NDUFAF6: variants seen among roughly 807,000 people sequenced by gnomAD.
NDUFAF6 encodes NADH dehydrogenase (ubiquinone) complex I, assembly factor 6.
Under a neutral mutation model 40.8 loss-of-function variants are expected in NDUFAF6, and 45 were observed. That is an observed-to-expected ratio of 1.10 (90% CI 0.87 to 1.42). NDUFAF6 has a LOEUF of 1.42. Ranked by LOEUF, NDUFAF6 falls within the 40% of genes most tolerant of loss-of-function variation. NDUFAF6 has a pLI of 0.00. For synonymous variants in NDUFAF6, 185 were observed against 155.9 expected (o/e 1.19, Z -1.39); for missense variants, 435 against 418.5 (o/e 1.04, Z -0.34).
chr8:95,006,219 G>A (rs542966536), intron 2 of NDUFAF6, among the ~76,000 whole-genome samples: 60 of 151,944 alleles, frequency 3.9e-4, no homozygotes, highest in Non-Finnish European at 7.4e-5. Flanking sequence ...TTAGCTGGGC[G>A]TGATGCTGGA....
At chr8:94,933,383 A>T (rs956446618) in intron 1 of NDUFAF6, among the ~76,000 whole-genome samples, 12 of 150,094 alleles carry the variant, frequency 8.0e-5, no homozygotes, top group Non-Finnish European at 2.9e-5. Context: ...AACCTTGAAA[A>T]AGAAGGAAGG....
chr8:94,927,483 GA>G (rs1819995777), intron 1 of NDUFAF6: 1 of 152,104 alleles, frequency 6.6e-6, no homozygotes, highest in Admixed American at 6.5e-5. Context: ...AAATGTATAG[GA>G]AATTAATATT....
chr8:94,915,772 T>G (rs1819089150), intron 1 of NDUFAF6, among the ~76,000 whole-genome samples: 1 of 152,192 alleles, frequency 6.6e-6, no homozygotes, highest in African/African-American at 2.4e-5. Context: ...CCAGAACAGG[T>G]ACACAGATCA....
At chr8:94,906,438 C>T (rs779223409) in intron 1 of NDUFAF6, among the ~76,000 whole-genome samples, 52 of 152,218 alleles carry the variant, frequency 3.4e-4, no homozygotes, top group Admixed American at 6.5e-4. Context: ...ACCTAACCCA[C>T]CACTCACCAG....
chr8:94,907,813 C>CTTT (rs10684819), intron 1 of NDUFAF6, among the ~76,000 whole-genome samples: 94,151 of 151,652 alleles, frequency 0.62, 29,914 homozygotes, highest in East Asian at 0.79. Context: ...TTCAACCTTT[C>CTTT]TTTTAGTCCT....
intron 1 of NDUFAF6, among the ~76,000 whole-genome samples, chr8:94,921,298 G>C (rs1010407747): frequency 3.9e-5 from 6 of 152,188 alleles, no homozygotes; most frequent in African/African-American, 1.4e-4. Flanking sequence ...GTTAAGTGGG[G>C]ATGAGTCTCA....
chr8:95,048,309 A>G, intron 6 of NDUFAF6, 148 bp from the exon 7 acceptor site: 2 of 675,076 alleles, frequency 3.0e-6, no homozygotes, highest in East Asian at 2.8e-5. Flanking sequence ...TCTAAAGACA[A>G]AATAGGCATT....
chr8:94,996,479 TTTATC>T (rs1489525555), intron 2 of NDUFAF6, among the ~76,000 whole-genome samples: 1 of 152,240 alleles, frequency 6.6e-6, no homozygotes, highest in African/African-American at 2.4e-5. Context: ...GAATTCTTCA[TTTATC>T]TTTGTTACCT....
intron 1 of NDUFAF6, among the ~76,000 whole-genome samples, chr8:94,924,951 C>G (rs1027571922): frequency 3.9e-5 from 6 of 152,236 alleles, no homozygotes; most frequent in African/African-American, 1.4e-4. Context: ...CCATGTTGGC[C>G]AGGTTGGTCT....
rs747954437 is a variant in NDUFAF6, at chr8:95,048,550, C to T, written c.808C>T (p.Leu270=). Residue 270 remains leucine (L), a synonymous_variant, in exon 7 of 9, where the codon CTA becomes TTA. Coordinates refer to ENST00000396124, the MANE Select transcript of NDUFAF6 (RefSeq NM_152416.4). ...CATTGCCAGTCAAGCACACTTGCAC[C>T]TAAAGCATGTAAGTCGGCTTTTTTT... The part of the protein sequence containing the change: ...YDIASQAHLH[L]KHARSFHKTV... 6 of 1,613,596 alleles carry T rather than the reference C, an allele frequency of 3.7e-6. No individual in the cohort carries two copies. Among genetic ancestry groups the T allele is most frequent in the Non-Finnish European group, 3.4e-6 (4 of 1,179,530 alleles).
At chr8:94,969,591 T>A (rs1824292424) in intron 1 of NDUFAF6, among the ~76,000 whole-genome samples, 1 of 152,072 alleles carries the variant, frequency 6.6e-6, no homozygotes, top group Admixed American at 6.5e-5. Context: ...CGGTGAACTG[T>A]GATCATACCA....
intron 2 of NDUFAF6, among the ~76,000 whole-genome samples, chr8:94,952,506 T>A (rs576343191): frequency 4.6e-5 from 7 of 152,372 alleles, no homozygotes; most frequent in African/African-American, 1.4e-4. Context: ...AGAATTTTTT[T>A]AAATTGCATT....
intron 2 of NDUFAF6, among the ~76,000 whole-genome samples, chr8:94,992,097 C>T (rs1826221010): frequency 6.6e-6 from 1 of 152,150 alleles, no homozygotes; most frequent in African/African-American, 2.4e-5. Flanking sequence ...TTTTGTACTA[C>T]CCAGCAATGT....
At chr8:94,993,513 C>T (rs1244463612) in intron 2 of NDUFAF6, among the ~76,000 whole-genome samples, 2 of 152,174 alleles carry the variant, frequency 1.3e-5, no homozygotes, top group Non-Finnish European at 2.9e-5. Context: ...CTTGCAGTTT[C>T]TACTTATACT....
In NDUFAF6 at chr8:95,058,655, A is replaced by G; in HGVS notation, c.*718A>G. ...ACAAAATTGTACTGAGAAAGTTTGT[A>G]TAAGTGATATGAACGGTATTGTATT... is the stretch of plus-strand genomic sequence containing the variant. On this transcript the variant is annotated 3_prime_UTR_variant, in exon 9 of 9. Transcript: ENST00000396124. 9.3e-7 allele frequency: 1 copy of G among 1,077,396 alleles called. No individual in the cohort carries two copies. Among genetic ancestry groups the G allele is most frequent in the South Asian group, 4.5e-5 (1 of 22,092 alleles). The allele number at this position is 1,077,396 out of a possible 1,614,324, so 66.7% of individuals were successfully genotyped here. A position where few individuals can be genotyped will look rare whatever the true frequency, so the allele number is the denominator to read the frequency against.
intron 5 of NDUFAF6, 123 bp downstream of exon 5, chr8:95,045,770 G>A (rs2131888586): frequency 1.4e-6 from 1 of 702,158 alleles, no homozygotes; most frequent in Admixed American, 2.9e-5. Context: ...TATCTGTAAA[G>A]GAACAGTTTT....
At chr8:94,942,369 T>A (rs1339700663) in intron 1 of NDUFAF6, among the ~76,000 whole-genome samples, 1 of 151,818 alleles carries the variant, frequency 6.6e-6, no homozygotes, top group Non-Finnish European at 1.5e-5. Flanking sequence ...TCACCCCTCA[T>A]CCCAACCACC....
At chr8:94,974,789 T>A in intron 1 of NDUFAF6, 1 of 173,144 alleles carries the variant, frequency 5.8e-6, no homozygotes, top group Non-Finnish European at 1.2e-5. Context: ...GCCAAGCCTT[T>A]CCTTGTTAAG....
chr8:94,925,703 C>G (rs1158466084), intron 1 of NDUFAF6, among the ~76,000 whole-genome samples: 4 of 152,078 alleles, frequency 2.6e-5, no homozygotes, highest in African/African-American at 9.7e-5. Context: ...CCACGCTCAG[C>G]TTATTTTCAT....
Sources: allele counts gnomAD v4.1 joint callset (sites outside exome capture counted in the v4.1 genomes callset), GRCh38; gene constraint gnomAD v4.1.1; transcripts MANE v1.5; gene names NCBI Gene and HGNC (gene_info 2026-07-23, HGNC 2026-07-21).